The following ZNF57 variants were observed in gnomAD, a reference collection of about 807,000 sequenced individuals.
The protein encoded by ZNF57 is zinc finger protein 57.
Under a neutral mutation model 13.4 loss-of-function variants are expected in ZNF57, and 11 were observed. The ratio of observed to expected loss-of-function variants is 0.82; its 90% confidence interval spans 0.52 to 1.36. The LOEUF is 1.36. ZNF57 is among the 40% of genes most tolerant of loss of function. The pLI is 0.00. For missense variants in ZNF57, 696 were observed against 667.5 expected (o/e 1.04, Z -0.47); for synonymous variants, 224 against 238.5 (o/e 0.94, Z 0.56).
intron 1 of ZNF57, among the ~76,000 whole-genome samples, chr19:2,905,233 T>C (rs1234275315): frequency 1.3e-5 from 2 of 151,906 alleles, no homozygotes; most frequent in Non-Finnish European, 2.9e-5. Flanking sequence ...GGCACAATCT[T>C]GGCTCACTGC....
In ZNF57 at chr19:2,917,783, C is replaced by T. The variant is rs1281296576; in HGVS notation, c.1162C>T (p.Gln388Ter). 3 of 1,603,470 alleles carry T rather than the reference C, an allele frequency of 1.9e-6. No individual in the cohort carries two copies. Among genetic ancestry groups the T allele is most frequent in the Non-Finnish European group, 2.6e-6 (3 of 1,175,786 alleles). ...TFREHVRIHT[Q>*]EQLYKCEQCG... Reference sequence around the variant, plus strand: ...TAGAGAACATGTGAGAATTCACACGCAAGAGCAGCTCTATAAATGTGAACA... The same window carrying T: ...TAGAGAACATGTGAGAATTCACACGTAAGAGCAGCTCTATAAATGTGAACA... Residue 388 changes from glutamine to a stop codon, truncating the protein, a stop_gained, in exon 4 of 4, where the codon CAA becomes TAA. Coordinates refer to ENST00000306908, the MANE Select transcript of ZNF57 (RefSeq NM_173480.3). LOFTEE classifies it low-confidence loss of function (END_TRUNC).
At chr19:2,903,834 G>C (rs577468302) in intron 1 of ZNF57, among the ~76,000 whole-genome samples, 52 of 151,938 alleles carry the variant, frequency 3.4e-4, no homozygotes, top group African/African-American at 1.3e-3. Flanking sequence ...TCCTGCCTCA[G>C]CCTCCTGCGT....
chr19:2,916,890 T>C, intron 3 of ZNF57, 34 bp from the exon 4 acceptor site: 2 of 1,520,930 alleles, frequency 1.3e-6, no homozygotes, highest in Non-Finnish European at 1.8e-6. Context: ...TTACTAAACA[T>C]ACCATACATA....
intron 1 of ZNF57, among the ~76,000 whole-genome samples, chr19:2,904,056 G>A (rs542335754): frequency 2.6e-5 from 4 of 152,224 alleles, no homozygotes; most frequent in African/African-American, 9.6e-5. Context: ...GAGACGGGGG[G>A]CCTCGCTGTT....
chr19:2,915,388 A>C (rs932538081), intron 1 of ZNF57, 134 bp from the exon 2 acceptor site: 3 of 1,223,286 alleles, frequency 2.5e-6, no homozygotes, highest in East Asian at 4.9e-5. Flanking sequence ...TGAATAAGTA[A>C]AAGATCTAAC....
At chr19:2,909,287 T>TTTTG (rs1555677948) in intron 1 of ZNF57, among the ~76,000 whole-genome samples, 1 of 134,100 alleles carries the variant, frequency 7.5e-6, no homozygotes, top group Non-Finnish European at 1.6e-5. Flanking sequence ...TTTTGTTTTT[T>TTTTG]TTTTTTTTTT....
Position 2,918,266 on chromosome 19 carries a change from A to G in ZNF57, c.1645A>G (p.Lys549Glu), listed in dbSNP as rs780191522. Residue 549 changes from lysine (K) to glutamate (E), a missense_variant, in exon 4 of 4, where the codon AAA (lysine) becomes GAA (glutamate). By Grantham distance (56) the Lys-to-Glu change is moderately conservative. This residue lies in a region of ZNF57 where 645 missense variants were observed against 591.5 expected (regional missense o/e 1.09). Transcript: ENST00000306908. ...CTTCAGTTGCCAAGTCATTCTTTCT[A>G]AAACCAGTGAGAGCACACACTAAAG... ...KAFSCQVILS[K>E]TSESTH is the part of the protein sequence containing the mutation. 6.2e-7 allele frequency: 1 copy of G among 1,609,444 alleles called. No individual in the cohort carries two copies. Among genetic ancestry groups the G allele is most frequent in the South Asian group, 1.1e-5 (1 of 90,394 alleles).
At position 2,915,605 on chromosome 19, in the gene ZNF57, C is replaced by T. The variant is rs1473773410; in HGVS notation, c.87C>T (p.Tyr29=). Residue 29 remains tyrosine (Y), a synonymous_variant, in exon 2 of 4, where the codon TAC becomes TAT. Coordinates refer to ENST00000306908, the MANE Select transcript of ZNF57 (RefSeq NM_173480.3). The stretch of plus-strand genomic sequence containing the variant: ...TGGATTCTGCTCAGAGGGACCTCTA[C>T]AGAGATGTGATGCTGGAGACCTTCC... ...ALLDSAQRDL[Y]RDVMLETFRN... is the part of the protein sequence containing the mutation. 6.2e-7 allele frequency: 1 copy of T among 1,614,030 alleles called. No homozygotes were observed. The highest frequency in any genetic ancestry group is 2.2e-5 in the East Asian group (1 of 44,882).
In ZNF57 at chr19:2,918,298, T is replaced by C; in HGVS notation, c.*9T>C. 1.3e-6 allele frequency: 2 copies of C among 1,574,906 alleles called. No individual in the cohort carries two copies. Among genetic ancestry groups the C allele is most frequent in the Non-Finnish European group, 1.7e-6 (2 of 1,161,144 alleles). On this transcript the variant is annotated 3_prime_UTR_variant, in exon 4 of 4. Coordinates refer to ENST00000306908, the MANE Select transcript of ZNF57 (RefSeq NM_173480.3). ...GTGAGAGCACACACTAAAGAGAAAT[T>C]CTATAACTTTAATGGGGTAACCTCA... is the stretch of plus-strand genomic sequence containing the variant.
At chr19:2,911,257 ACGGTGGCT>A (rs938789506) in intron 1 of ZNF57, among the ~76,000 whole-genome samples, 1 of 151,954 alleles carries the variant, frequency 6.6e-6, no homozygotes, top group African/African-American at 2.4e-5. Context: ...GTGGCCGGGC[ACGGTGGCT>A]CATGCCTGTA....
rs143964698 is a variant in ZNF57, at chr19:2,917,781, C to T, written c.1160C>T (p.Thr387Met). 204 of 1,606,010 alleles carry T rather than the reference C, an allele frequency of 1.3e-4. No individual in the cohort carries two copies. The highest frequency in any genetic ancestry group is 6.7e-4 in the Middle Eastern group (4 of 5,944). The change falls in exon 4 of 4, where the codon ACG becomes ATG. Residue 387 changes from threonine (T) to methionine (M), a missense_variant. Physicochemically the swap from Thr to Met is moderately conservative, Grantham distance 81 (BLOSUM62 -1). Coordinates refer to ENST00000306908, the MANE Select transcript of ZNF57 (RefSeq NM_173480.3). The part of the protein sequence containing the change: ...STFREHVRIH[T>M]QEQLYKCEQC... ...TTTAGAGAACATGTGAGAATTCACACGCAAGAGCAGCTCTATAAATGTGAA... is the reference window on the plus strand; with the variant it reads ...TTTAGAGAACATGTGAGAATTCACATGCAAGAGCAGCTCTATAAATGTGAA...
At chr19:2,915,329 A>C in intron 1 of ZNF57, 193 bp from the exon 2 acceptor site, 1 of 632,616 alleles carries the variant, frequency 1.6e-6, no homozygotes, top group Non-Finnish European at 2.6e-6. Flanking sequence ...AAAGGCAGAG[A>C]TAAGTTCAGA....
rs765192813 is a variant in ZNF57, at chr19:2,917,833, C to T, written c.1212C>T (p.Ser404=). Residue 404 remains serine, a synonymous_variant, in exon 4 of 4, where the codon TCC becomes TCT. Coordinates refer to ENST00000306908, the MANE Select transcript of ZNF57 (RefSeq NM_173480.3). ...AATGTGGGAAGGCTTTTACCTCTTCCAGATCATTCCGAGGTCATTTGAGGA... is the reference window on the plus strand; with the variant it reads ...AATGTGGGAAGGCTTTTACCTCTTCTAGATCATTCCGAGGTCATTTGAGGA... ...CEQCGKAFTS[S]RSFRGHLRTH... is the part of the protein sequence containing the mutation. 53 of 1,604,314 alleles carry T rather than the reference C, an allele frequency of 3.3e-5. No homozygotes were observed. The highest frequency in any genetic ancestry group is 4.5e-5 in the East Asian group (2 of 44,718).
chr19:2,902,192 C>G (rs1225932225), intron 1 of ZNF57, among the ~76,000 whole-genome samples: 2 of 49,840 alleles, frequency 4.0e-5, no homozygotes, highest in Non-Finnish European at 8.0e-5. Context: ...AAGGGACGGC[C>G]TGGGGGTCAG....
chr19:2,903,187 T>A (rs73525613), intron 1 of ZNF57, among the ~76,000 whole-genome samples: 1 of 152,164 alleles, frequency 6.6e-6, no homozygotes, highest in African/African-American at 2.4e-5. Context: ...CTTGGAGCCG[T>A]TTCTAAGCAG....
intron 1 of ZNF57, among the ~76,000 whole-genome samples, chr19:2,913,412 C>A (rs2144930934): frequency 6.6e-6 from 1 of 152,016 alleles, no homozygotes; most frequent in East Asian, 1.9e-4. Context: ...CGAGGTGGAC[C>A]ACGTTAGGTT....
rs753880478 is a variant in ZNF57, at chr19:2,909,281, G to GTTTTTT, written c.4-6229_4-6224dup. 2.4e-3 allele frequency among the ~76,000 whole-genome samples: 256 copies of GTTTTTT among 107,170 alleles called. 14 individuals carry two copies. Among genetic ancestry groups the GTTTTTT allele is most frequent in the East Asian group, 7.4e-3 (25 of 3,388 alleles). 70.3% of individuals were successfully genotyped at this position (107,170 alleles called of 152,430 possible). A position where few individuals can be genotyped will look rare whatever the true frequency, so the allele number is the denominator to read the frequency against. On this transcript the variant is annotated intron_variant, in intron 1 of 3. Coordinates refer to ENST00000306908, the MANE Select transcript of ZNF57 (RefSeq NM_173480.3). ...AATAGATTTTATTTTATTTATTTTT[G>GTTTTTT]TTTTTTTTTTTTTTTTTGAGACAGA... is the stretch of plus-strand genomic sequence containing the variant.
At chr19:2,908,000 CA>C (rs2088091402) in intron 1 of ZNF57, among the ~76,000 whole-genome samples, 6 of 152,338 alleles carry the variant, frequency 3.9e-5, no homozygotes, top group African/African-American at 1.4e-4. Context: ...GGGCATGAAC[CA>C]CCTCACAGGG....
chr19:2,907,718 TAA>T (rs1053964903), intron 1 of ZNF57, among the ~76,000 whole-genome samples: 1 of 152,204 alleles, frequency 6.6e-6, no homozygotes, highest in Non-Finnish European at 1.5e-5. Context: ...TGTCAAGTCC[TAA>T]AAAGTCTCAT....
Sources: gnomAD v4.1 joint callset for allele counts (sites outside exome capture counted in the v4.1 genomes callset) on GRCh38, gnomAD v4.1.1 for gene constraint, gnomAD v4.1.1 regional missense constraint, MANE v1.5 for transcripts, NCBI Gene and HGNC (gene_info 2026-07-23, HGNC 2026-07-21) for gene names.